The following HIPK2 variants were observed in gnomAD, a reference collection of about 807,000 sequenced individuals.
The protein encoded by HIPK2 is homeodomain-interacting protein kinase 2.
Under a neutral mutation model 113.7 loss-of-function variants are expected in HIPK2, and 27 were observed. The observed-to-expected ratio is 0.24, with a 90% CI of 0.17 to 0.33. The LOEUF is 0.33. Ranked by LOEUF, HIPK2 falls within the 10% of genes least tolerant of loss-of-function variation. HIPK2 has a pLI of 1.00. For synonymous variants in HIPK2, 631 were observed against 642.2 expected (o/e 0.98, Z 0.26); for missense variants, 1,257 against 1,588.0 (o/e 0.79, Z 3.54).
chr7:139,727,935 A>ATTTTTTTT (rs10524758), intron 1 of HIPK2, among the ~76,000 whole-genome samples: 1 of 116,664 alleles, frequency 8.6e-6, no homozygotes, highest in Non-Finnish European at 1.7e-5. Flanking sequence ...GCATTGGCTA[A>ATTTTTTTT]TTTTTTTTTT....
intron 1 of HIPK2, among the ~76,000 whole-genome samples, chr7:139,772,833 G>A (rs7808400): frequency 0.13 from 19,114 of 149,664 alleles, 2,158 homozygotes; most frequent in Admixed American, 0.28. Flanking sequence ...TGATCCACCC[G>A]CCTCAGCCTT....
intron 5 of HIPK2, among the ~76,000 whole-genome samples, chr7:139,628,682 C>A (rs1164477803): frequency 6.6e-6 from 1 of 152,190 alleles, no homozygotes; most frequent in Non-Finnish European, 1.5e-5. Flanking sequence ...CATCCACTCG[C>A]CTTGGCCTCC....
At chr7:139,620,292 G>A (rs1290383681) in intron 7 of HIPK2, 109 bp downstream of exon 7, 1 of 1,448,376 alleles carries the variant, frequency 6.9e-7, no homozygotes, top group Non-Finnish European at 9.3e-7. Flanking sequence ...TTTAGTTGTT[G>A]AACATGACAG....
At position 139,600,742 on chromosome 7, in the gene HIPK2, C is replaced by T. The variant is rs533807048; in HGVS notation, c.2256-146G>A. Reference sequence around the variant, plus strand: ...CAGCTGCTGAAGGGATGAGCCTGGCCATGTGTGCTCAACGGGTGGGTTTCT... The same window carrying T: ...CAGCTGCTGAAGGGATGAGCCTGGCTATGTGTGCTCAACGGGTGGGTTTCT... On this transcript the variant is annotated intron_variant, in intron 10 of 14. Coordinates refer to ENST00000406875, the MANE Select transcript of HIPK2 (RefSeq NM_022740.5). 59 of 838,714 alleles carry T rather than the reference C, an allele frequency of 7.0e-5. No individual in the cohort carries two copies. In the African/African-American group the frequency reaches 9.6e-4, roughly 14 times the overall value. 52.0% of individuals were successfully genotyped at this position (838,714 alleles called of 1,614,324 possible). A position where few individuals can be genotyped will look rare whatever the true frequency, so the allele number is the denominator to read the frequency against.
At chr7:139,583,359 C>T (rs573875069) in intron 13 of HIPK2, among the ~76,000 whole-genome samples, 19 of 152,240 alleles carry the variant, frequency 1.2e-4, no homozygotes, top group African/African-American at 3.9e-4. Flanking sequence ...CAGCTGATTC[C>T]GAGGAGGGGC....
Position 139,714,606 on chromosome 7 carries a change from C to T in HIPK2, c.1103+1326G>A, listed in dbSNP as rs901182937. On this transcript the variant is annotated intron_variant, in intron 2 of 14. Transcript: ENST00000406875. The surrounding 1 kb of genome is among the most constrained non-coding windows in gnomAD (Gnocchi z 4.2). ...CTTCTCTCTGTGGCCTTGAAAGGCGCATGGAGAAAGCACACGGGCAAGCGA... is the reference window on the plus strand; with the variant it reads ...CTTCTCTCTGTGGCCTTGAAAGGCGTATGGAGAAAGCACACGGGCAAGCGA... Among the ~76,000 whole-genome samples, 2 of 152,210 alleles carry T rather than the reference C, an allele frequency of 1.3e-5. No homozygotes were observed. The highest frequency in any genetic ancestry group is 1.3e-4 in the Admixed American group (2 of 15,288).
At chr7:139,654,021 C>T (rs1207480492) in intron 2 of HIPK2, among the ~76,000 whole-genome samples, 1 of 152,202 alleles carries the variant, frequency 6.6e-6, no homozygotes, top group Admixed American at 6.5e-5. Context: ...GCGTGAGCCA[C>T]TGTGCCCAGC....
chr7:139,582,097 C>T (rs1056300893), intron 13 of HIPK2, among the ~76,000 whole-genome samples: 1 of 152,186 alleles, frequency 6.6e-6, no homozygotes, highest in Non-Finnish European at 1.5e-5. Flanking sequence ...AATGTTGCTT[C>T]CTGGCAGGGT....
chr7:139,595,438 G>C (rs199577784), intron 12 of HIPK2, among the ~76,000 whole-genome samples: 2 of 152,160 alleles, frequency 1.3e-5, no homozygotes, highest in African/African-American at 4.8e-5. Context: ...TTCTGGACTA[G>C]GCAGATGGGG....
intron 1 of HIPK2, among the ~76,000 whole-genome samples, chr7:139,770,695 T>A (rs774747379): frequency 3.3e-5 from 5 of 152,226 alleles, no homozygotes; most frequent in Non-Finnish European, 5.9e-5. Flanking sequence ...GCATTCTTTT[T>A]GTGACAAAGG....
At chr7:139,690,378 C>T (rs1015111326) in intron 2 of HIPK2, among the ~76,000 whole-genome samples, 1 of 144,638 alleles carries the variant, frequency 6.9e-6, no homozygotes, top group Non-Finnish European at 1.5e-5. Context: ...TGATGTTTGT[C>T]CCCCTCCAAT....
Position 139,561,937 on chromosome 7 carries a change from AT to A in HIPK2, c.*10989del, listed in dbSNP as rs1797960780. On this transcript the variant is annotated 3_prime_UTR_variant, in exon 15 of 15. Transcript: ENST00000406875. Reference sequence around the variant, plus strand: ...GATTAATTTAGAAGCACACGACGTCATGATGAAAAACACAAGCATTTTAGTA... The same window carrying A: ...GATTAATTTAGAAGCACACGACGTCAGATGAAAAACACAAGCATTTTAGTA... 1 of 152,252 alleles carries A rather than the reference AT, an allele frequency of 6.6e-6. No individual in the cohort carries two copies. Among genetic ancestry groups the A allele is most frequent in the Admixed American group, 6.5e-5 (1 of 15,284 alleles). The allele number at this position is 152,252 out of a possible 1,614,324, so 9.4% of individuals were successfully genotyped here. A position where few individuals can be genotyped will look rare whatever the true frequency, so the allele number is the denominator to read the frequency against.
chr7:139,623,282 G>A (rs1281724959), intron 6 of HIPK2, among the ~76,000 whole-genome samples: 5 of 152,026 alleles, frequency 3.3e-5, no homozygotes, highest in Admixed American at 6.6e-5. Context: ...AGGCCGAGGC[G>A]GGCAGATCAC....
At chr7:139,757,165 G>C (rs575182405) in intron 1 of HIPK2, among the ~76,000 whole-genome samples, 123 of 152,244 alleles carry the variant, frequency 8.1e-4, no homozygotes, top group African/African-American at 2.7e-3. Flanking sequence ...TCAATCATTC[G>C]TTTTAATGTA....
intron 1 of HIPK2, among the ~76,000 whole-genome samples, chr7:139,755,476 C>CA (rs1796347334): frequency 6.6e-6 from 1 of 152,246 alleles, no homozygotes; most frequent in Middle Eastern, 3.4e-3. Context: ...GACCATGAAA[C>CA]AAAAAACAAT....
At chr7:139,586,587 A>T (rs1226188334) in intron 12 of HIPK2, among the ~76,000 whole-genome samples, 1 of 151,782 alleles carries the variant, frequency 6.6e-6, no homozygotes, top group East Asian at 1.9e-4. Flanking sequence ...TGGGCAACAC[A>T]GTAAGAGCCA....
chr7:139,631,822 G>A lies in HIPK2; in HGVS notation c.1104-97C>T. The A allele has an allele frequency of 7.0e-7, 1 of 1,425,950 alleles. No homozygotes were observed. Among genetic ancestry groups the A allele is most frequent in the Non-Finnish European group, 9.4e-7 (1 of 1,066,904 alleles). 88.3% of individuals were successfully genotyped at this position (1,425,950 alleles called of 1,614,324 possible). ...CTTTCAAACCTGGGGTGCCATTACTGACTCCTCCTCTGAAGGGCCTGTGGC... is the reference window on the plus strand; with the variant it reads ...CTTTCAAACCTGGGGTGCCATTACTAACTCCTCCTCTGAAGGGCCTGTGGC... On this transcript the variant is annotated intron_variant, in intron 2 of 14. Transcript: ENST00000406875. This position sits in a 1 kb window ranked among gnomAD's most constrained non-coding sequence, Gnocchi z 4.9.
chr7:139,651,505 T>C (rs946152864), intron 2 of HIPK2, among the ~76,000 whole-genome samples: 1 of 152,222 alleles, frequency 6.6e-6, no homozygotes, highest in Non-Finnish European at 1.5e-5. Context: ...TGGATAAGGC[T>C]GCCCTCTGCA....
At chr7:139,739,480 G>A (rs935713511) in intron 1 of HIPK2, among the ~76,000 whole-genome samples, 2 of 151,954 alleles carry the variant, frequency 1.3e-5, no homozygotes, top group Admixed American at 6.6e-5. Flanking sequence ...CCAGCTACTC[G>A]GGAGGCTGAG....
Sources: allele counts gnomAD v4.1 joint callset (sites outside exome capture counted in the v4.1 genomes callset), GRCh38; gene constraint gnomAD v4.1.1; non-coding constraint Gnocchi (gnomAD v3.1); transcripts MANE v1.5; gene names NCBI Gene and HGNC (gene_info 2026-07-23, HGNC 2026-07-21).